Variants in PDGFC observed in about 807,000 individuals in gnomAD.
PDGFC encodes the protein platelet derived growth factor C, also known as platelet-derived growth factor C.
In PDGFC, 12 loss-of-function variants were observed where a neutral mutation model predicts 35.5. The ratio of observed to expected loss-of-function variants is 0.34; its 90% CI spans 0.22 to 0.55. The LOEUF (loss-of-function observed/expected upper bound fraction) is 0.55. PDGFC is among the 20% of genes least tolerant of loss of function. The probability of loss-of-function intolerance (pLI) is 0.91; values close to 1 mark genes in which losing one functional copy is unlikely to be tolerated. For synonymous variants in PDGFC, 159 were observed against 148.8 expected, an observed-to-expected ratio of 1.07 and a Z score of -0.50; for missense variants, 322 against 412.4, an observed-to-expected ratio of 0.78 and a Z score of 1.90.
At chr4:156,821,333 A>G (rs1732252378) in intron 2 of PDGFC, among the ~76,000 whole-genome samples, 1 of 152,068 alleles carries the variant, frequency 6.6e-6, no homozygotes, top group African/African-American at 2.4e-5. Context: ...GGCTTAAGCA[A>G]TTCTTCCTAC....
At chr4:156,855,332 G>T (rs1729548654) in intron 1 of PDGFC, among the ~76,000 whole-genome samples, 1 of 152,142 alleles carries the variant, frequency 6.6e-6, no homozygotes, top group Admixed American at 6.5e-5. Flanking sequence ...GAAGTTTCTG[G>T]ATAATATGCA....
At chr4:156,914,837 C>G (rs1731120630) in intron 1 of PDGFC, among the ~76,000 whole-genome samples, 1 of 151,706 alleles carries the variant, frequency 6.6e-6, no homozygotes, top group African/African-American at 2.4e-5. Context: ...CACTAAGAAC[C>G]TGATAGTATT....
At chr4:156,767,443 T>A (rs1487538117) in intron 5 of PDGFC, among the ~76,000 whole-genome samples, 2 of 152,082 alleles carry the variant, frequency 1.3e-5, no homozygotes, top group Non-Finnish European at 2.9e-5. Context: ...GAAATATTTT[T>A]CCTTCATATT....
chr4:156,843,931 T>C (rs1012003137), intron 2 of PDGFC, among the ~76,000 whole-genome samples: 1 of 152,164 alleles, frequency 6.6e-6, no homozygotes, highest in Non-Finnish European at 1.5e-5. Flanking sequence ...ATCAATAGTT[T>C]ACTACCTAAT....
At chr4:156,897,727 T>C (rs1730669292) in intron 1 of PDGFC, among the ~76,000 whole-genome samples, 1 of 152,202 alleles carries the variant, frequency 6.6e-6, no homozygotes, top group Non-Finnish European at 1.5e-5. Flanking sequence ...TTTCAACTTT[T>C]AGAGATTCCT....
intron 3 of PDGFC, among the ~76,000 whole-genome samples, chr4:156,802,843 A>C (rs1731653859): frequency 6.6e-6 from 1 of 152,176 alleles, no homozygotes; most frequent in African/African-American, 2.4e-5. Flanking sequence ...TTCTAGACTT[A>C]ATCAGAATTC....
At chr4:156,897,350 A>ATGTG (rs70956698) in intron 1 of PDGFC, among the ~76,000 whole-genome samples, 6,571 of 142,888 alleles carry the variant, frequency 0.046, 236 homozygotes, top group African/African-American at 0.097. Flanking sequence ...GTGAGAGTGT[A>ATGTG]TGTGTGTGTG....
chr4:156,818,323 C>G (rs1398055506), intron 2 of PDGFC, among the ~76,000 whole-genome samples: 1 of 151,810 alleles, frequency 6.6e-6, no homozygotes, highest in Non-Finnish European at 1.5e-5. Flanking sequence ...TTTTTTCTGA[C>G]AGCATGTGCT....
At chr4:156,969,467 G>A (rs1237617375) in intron 1 of PDGFC, among the ~76,000 whole-genome samples, 3 of 152,326 alleles carry the variant, frequency 2.0e-5, no homozygotes, top group East Asian at 1.9e-4. Context: ...ACTATGTCTT[G>A]CTGCGCAACA....
intron 1 of PDGFC, among the ~76,000 whole-genome samples, chr4:156,854,816 A>G (rs1729535838): frequency 6.6e-6 from 1 of 152,078 alleles, no homozygotes; most frequent in African/African-American, 2.4e-5. Context: ...AAATTACCAA[A>G]CAAAAAAAAA....
intron 1 of PDGFC, among the ~76,000 whole-genome samples, chr4:156,892,400 T>C (rs1730535792): frequency 6.6e-6 from 1 of 152,202 alleles, no homozygotes; most frequent in Non-Finnish European, 1.5e-5. Context: ...CCCAGAAACA[T>C]TCTTAGTTAA....
chr4:156,810,009 C>T (rs959810645), intron 3 of PDGFC, among the ~76,000 whole-genome samples: 2 of 151,636 alleles, frequency 1.3e-5, no homozygotes, highest in African/African-American at 4.8e-5. Context: ...TCAACGCCAC[C>T]CTAGCCTAAA....
intron 1 of PDGFC, among the ~76,000 whole-genome samples, chr4:156,901,353 T>C (rs1378477564): frequency 6.6e-6 from 1 of 152,026 alleles, no homozygotes; most frequent in African/African-American, 2.4e-5. Flanking sequence ...TTAACGAAGC[T>C]CCCTAGAAAG....
chr4:156,894,921 C>A (rs1730595171), intron 1 of PDGFC, among the ~76,000 whole-genome samples: 1 of 152,122 alleles, frequency 6.6e-6, no homozygotes, highest in Admixed American at 6.6e-5. Flanking sequence ...ATTTTCACAG[C>A]CCCTGGAAAT....
At chr4:156,793,692 T>G (rs1414878618) in intron 3 of PDGFC, among the ~76,000 whole-genome samples, 2 of 151,772 alleles carry the variant, frequency 1.3e-5, no homozygotes, top group Non-Finnish European at 2.9e-5. Context: ...AATCAGAACA[T>G]GTCAATAAAC....
chr4:156,771,244 A>C (rs1274692318), intron 4 of PDGFC, among the ~76,000 whole-genome samples: 7 of 152,170 alleles, frequency 4.6e-5, no homozygotes, highest in Admixed American at 4.6e-4. Flanking sequence ...CTTGGCTAGA[A>C]GGGAGGTTTT....
At chr4:156,816,006 T>A (rs1391526782) in intron 2 of PDGFC, among the ~76,000 whole-genome samples, 3 of 152,172 alleles carry the variant, frequency 2.0e-5, no homozygotes, top group Non-Finnish European at 4.4e-5. Flanking sequence ...TTCGTTCTCA[T>A]GTGGGAATTA....
intron 1 of PDGFC, among the ~76,000 whole-genome samples, chr4:156,908,677 T>C (rs1730973493): frequency 6.6e-6 from 1 of 152,198 alleles, no homozygotes; most frequent in Admixed American, 6.5e-5. Flanking sequence ...CTGTGTTGAC[T>C]TCTGGCTACC....
intron 3 of PDGFC, among the ~76,000 whole-genome samples, chr4:156,797,344 C>T (rs1731473619): frequency 6.6e-6 from 1 of 151,990 alleles, no homozygotes; most frequent in African/African-American, 2.4e-5. Flanking sequence ...ACCCCTCGCC[C>T]ACACCCCACT....
Sources: allele counts gnomAD v4.1 joint callset (sites outside exome capture counted in the v4.1 genomes callset), GRCh38; gene constraint gnomAD v4.1.1; transcripts MANE v1.5; gene names NCBI Gene and HGNC (gene_info 2026-07-23, HGNC 2026-07-21).